The following HEY1 variants were observed in gnomAD, a reference collection of about 807,000 sequenced individuals.
HEY1 encodes the protein hes related family bHLH transcription factor with YRPW motif 1.
A neutral mutation model predicts 28.7 loss-of-function variants in HEY1; 9 were observed. That is an observed-to-expected ratio of 0.31 (90% CI 0.19 to 0.55). HEY1 has a LOEUF of 0.55. HEY1 is among the 20% of genes least tolerant of loss of function. The pLI, the probability that HEY1 is intolerant of heterozygous loss-of-function variation, is 0.93. For synonymous variants in HEY1, 213 were observed against 175.6 expected, an observed-to-expected ratio of 1.21 and a Z score of -1.68; for missense variants, 385 against 399.4, an observed-to-expected ratio of 0.96 and a Z score of 0.31.
In HEY1 at chr8:79,765,102, T is replaced by G; in HGVS notation, c.*86A>C. 1 of 881,266 alleles carries G rather than the reference T, an allele frequency of 1.1e-6. No homozygotes were observed. Among genetic ancestry groups the G allele is most frequent in the Non-Finnish European group, 1.6e-6 (1 of 614,356 alleles). The allele number at this position is 881,266 out of a possible 1,614,324, so 54.6% of individuals were successfully genotyped here. On this transcript the variant is annotated 3_prime_UTR_variant, in exon 5 of 5. Coordinates refer to ENST00000354724, the MANE Select transcript of HEY1 (RefSeq NM_012258.4). Reference sequence around the variant, plus strand: ...AAGTGTACCTTTTTCCTTTTTACTTTTACTGACGACTTTAAGGTGATGTTG... The same window carrying G: ...AAGTGTACCTTTTTCCTTTTTACTTGTACTGACGACTTTAAGGTGATGTTG...
At chr8:79,766,968 C>A (rs769531892) in intron 3 of HEY1, 41 bp downstream of exon 3, 327 of 1,508,874 alleles carry the variant, frequency 2.2e-4, no homozygotes, top group Non-Finnish European at 2.9e-4. Flanking sequence ...TCAGAAGGTG[C>A]AGATAGCTAT....
rs372497887 is a variant in HEY1, at chr8:79,765,473, G to A, written c.630C>T (p.Pro210=). The change falls in exon 5 of 5, where the codon CCC becomes CCT. Residue 210 remains proline, a synonymous_variant. Coordinates refer to ENST00000354724, the MANE Select transcript of HEY1 (RefSeq NM_012258.4). ...GCCTGCCCTGGTGGTGCGGTTCCGT[G>A]GGTGAGGCCGTGGTGCCCGCGTTCC... ...GHGNAGTTAS[P]TEPHHQGRLG... 6.2e-7 allele frequency: 1 copy of A among 1,613,302 alleles called. No homozygotes were observed. The highest frequency in any genetic ancestry group is 1.1e-5 in the South Asian group (1 of 91,044).
chr8:79,766,833 G>T (rs1370670366), intron 3 of HEY1, 101 bp from the exon 4 acceptor site: 1 of 1,381,296 alleles, frequency 7.2e-7, no homozygotes, highest in Non-Finnish European at 1.0e-6. Flanking sequence ...TTTGTAAATC[G>T]TAAAGCATGG....
chr8:79,766,988 T>C lies in HEY1; in HGVS notation c.249+21A>G, dbSNP rs1434873258. The C allele has an allele frequency of 4.4e-6, 7 of 1,598,472 alleles. No homozygotes were observed. The Admixed American group carries it at 1.2e-4, about 27-fold the overall frequency. Reference sequence around the variant, plus strand: ...AGGTGCAGATAGCTATGCTGAGAGCTTTACCTACTTGCTCCATTACCTGCT... The same window carrying C: ...AGGTGCAGATAGCTATGCTGAGAGCCTTACCTACTTGCTCCATTACCTGCT... On this transcript the variant is annotated intron_variant, in intron 3 of 4. Transcript: ENST00000354724.
chr8:79,766,565 G>A (rs1807844329), intron 4 of HEY1, 86 bp downstream of exon 4: 3 of 1,582,388 alleles, frequency 1.9e-6, no homozygotes, highest in South Asian at 1.1e-5. Context: ...AGAAAAATCA[G>A]GCAGCTACTG....
rs1039724353 is a variant in HEY1 at position 79,766,164 on chromosome 8, A to T, written c.332-393T>A. The T allele has an allele frequency of 5.4e-6, 8 of 1,471,010 alleles. No individual in the cohort carries two copies. The Admixed American group carries it at 1.8e-4, about 32-fold the overall frequency. 91.1% of individuals were successfully genotyped at this position (1,471,010 alleles called of 1,614,324 possible). ...CGGAGCTTTTAGGCACTTGGACCTC[A>T]GTAAAGCATTTTCCTGCTGGAGAGA... On this transcript the variant is annotated intron_variant, in intron 4 of 4. Coordinates refer to ENST00000354724, the MANE Select transcript of HEY1 (RefSeq NM_012258.4).
At position 79,767,297 on chromosome 8, in the gene HEY1, G is replaced by A. The variant is rs756724011; in HGVS notation, c.90-3C>T. ...AACCTAGAGCCGAACTCAAGTTTCTGAAAAGAGAAAAAGAACAAACAAAAA... is the reference window on the plus strand; with the variant it reads ...AACCTAGAGCCGAACTCAAGTTTCTAAAAAGAGAAAAAGAACAAACAAAAA... On this transcript the variant is annotated splice_polypyrimidine_tract_variant and splice_region_variant and intron_variant, in intron 1 of 4. Transcript: ENST00000354724. 2 of 1,607,788 alleles carry A rather than the reference G, an allele frequency of 1.2e-6. No homozygotes were observed. The highest frequency in any genetic ancestry group is 1.7e-6 in the Non-Finnish European group (2 of 1,177,934).
At position 79,765,769 on chromosome 8, in the gene HEY1, A is replaced by T; in HGVS notation, c.334T>A (p.Tyr112Asn). The T allele has an allele frequency of 1.3e-6, 2 of 1,597,812 alleles. No homozygotes were observed. The highest frequency in any genetic ancestry group is 1.1e-5 in the South Asian group (1 of 90,268). Residue 112 changes from tyrosine to asparagine, a missense_variant and splice_region_variant, in exon 5 of 5, where the codon TAC becomes AAC. Physicochemically the swap from Tyr to Asn is moderately radical, Grantham distance 143. This residue lies in a region of HEY1 where 83 missense variants were observed against 122.7 expected (regional missense o/e 0.68). Transcript: ENST00000354724. ...ATAGCAAGGGCGTGCGCGTCAAAGT[A>T]ACCTAAGCAAAAGAACAAAAGAAAA... ...KMLHTAGGKGYFDAHALAMDY... is the reference protein window; with the variant it reads ...KMLHTAGGKGNFDAHALAMDY...
Position 79,766,845 on chromosome 8 carries a change from C to T in HEY1, c.250-113G>A, listed in dbSNP as rs945952049. On this transcript the variant is annotated intron_variant, in intron 3 of 4. Transcript: ENST00000354724. The stretch of plus-strand genomic sequence containing the variant: ...TGCTTTGTAAATCGTAAAGCATGGA[C>T]TAAAGCAAAATCAGTTGTCTTCACA... 7.5e-6 allele frequency: 10 copies of T among 1,326,216 alleles called. No individual in the cohort carries two copies. In the African/African-American group the frequency reaches 1.0e-4, roughly 13 times the overall value. The allele number at this position is 1,326,216 out of a possible 1,614,324, so 82.2% of individuals were successfully genotyped here. A position where few individuals can be genotyped will look rare whatever the true frequency, so the allele number is the denominator to read the frequency against.
rs1046777571 is a variant in HEY1 at position 79,767,298 on chromosome 8, A to G, written c.90-4T>C. ...ACCTAGAGCCGAACTCAAGTTTCTG[A>G]AAAGAGAAAAAGAACAAACAAAAAC... On this transcript the variant is annotated splice_polypyrimidine_tract_variant and splice_region_variant and intron_variant, in intron 1 of 4. Transcript: ENST00000354724. The G allele has an allele frequency of 1.2e-6, 2 of 1,609,686 alleles. No individual in the cohort carries two copies. Among genetic ancestry groups the G allele is most frequent in the South Asian group, 1.1e-5 (1 of 90,184 alleles).
At chr8:79,766,032 G>T (rs577978950) in intron 4 of HEY1, among the ~76,000 whole-genome samples, 8 of 151,304 alleles carry the variant, frequency 5.3e-5, no homozygotes, top group African/African-American at 1.7e-4. Context: ...ATGAAACTAT[G>T]TTCATTCCTT....
At position 79,765,236 on chromosome 8, in the gene HEY1, G is replaced by T; in HGVS notation, c.867C>A (p.Asn289Lys). 1 of 1,553,468 alleles carries T rather than the reference G, an allele frequency of 6.4e-7. No individual in the cohort carries two copies. The highest frequency in any genetic ancestry group is 8.7e-7 in the Non-Finnish European group (1 of 1,147,680). ...CCCAAGGTCTATAGGGCTTGCCAAG[G>T]TTTGCAGCCTGCGTGGGTGCTGAAG... ...LSPSAPTQAA[N>K]LGKPYRPWGT... Residue 289 changes from asparagine (N) to lysine (K), a missense_variant, in exon 5 of 5, where the codon AAC becomes AAA. Transcript: ENST00000354724.
In HEY1 at chr8:79,766,986, G is replaced by A. The variant is rs113738053; in HGVS notation, c.249+23C>T. On this transcript the variant is annotated intron_variant, in intron 3 of 4. Coordinates refer to ENST00000354724, the MANE Select transcript of HEY1 (RefSeq NM_012258.4). ...GAAGGTGCAGATAGCTATGCTGAGA[G>A]CTTTACCTACTTGCTCCATTACCTG... is the stretch of plus-strand genomic sequence containing the variant. 3,738 of 1,593,806 alleles carry A rather than the reference G, an allele frequency of 2.3e-3. 95 individuals are homozygous for A. In the African/African-American group the frequency reaches 0.045, roughly 19 times the overall value.
rs756094898 is a variant in HEY1 at position 79,767,282 on chromosome 8, C to A, written c.102G>T (p.Ser34=). The change falls in exon 2 of 5, where the codon TCG becomes TCT. Residue 34 remains serine (S), a synonymous_variant. Coordinates refer to ENST00000354724, the MANE Select transcript of HEY1 (RefSeq NM_012258.4). ...TAGTTGGGGACATGGAACCTAGAGC[C>A]GAACTCAAGTTTCTGAAAAGAGAAA... ...ESADENGNLS[S]ALGSMSPTTS... The A allele has an allele frequency of 1.2e-5, 20 of 1,611,990 alleles. No homozygotes were observed. The highest frequency in any genetic ancestry group is 1.4e-5 in the Non-Finnish European group (17 of 1,179,414).
At chr8:79,767,350 T>A in intron 1 of HEY1, 56 bp from the exon 2 acceptor site, 2 of 1,497,088 alleles carry the variant, frequency 1.3e-6, no homozygotes, top group Non-Finnish European at 1.9e-6. Context: ...CGAGGAGAGG[T>A]GATCTGAGAG....
rs757276363 is a variant in HEY1, at chr8:79,767,608, A to T, written c.56T>A (p.Ile19Asn). Residue 19 changes from isoleucine to asparagine, a missense_variant, in exon 1 of 5, where the codon ATC becomes AAC. Transcript: ENST00000354724. The stretch of plus-strand genomic sequence containing the variant: ...GTCCGCACTCTCCTTCTCCACCTCG[A>T]TGGTCTCGTCCAGCTCGCTGTCCGA... ...SSSDSELDET[I>N]EVEKESADEN... 7.5e-6 allele frequency: 12 copies of T among 1,610,512 alleles called. No individual in the cohort carries two copies. Among genetic ancestry groups the T allele is most frequent in the Middle Eastern group, 1.7e-4 (1 of 6,060 alleles).
intron 4 of HEY1, 52 bp downstream of exon 4, chr8:79,766,599 T>C (rs1807845605): frequency 6.2e-7 from 1 of 1,610,280 alleles, no homozygotes; most frequent in Middle Eastern, 1.7e-4. Context: ...CTTCAGCCGC[T>C]GCTCACTCTT....
rs1807781044 is a variant in HEY1, at chr8:79,764,577, T to C, written c.*611A>G. Reference sequence around the variant, plus strand: ...GCCACCAACAGTTTGTACATTCACCTTTCTGCTATAGGAGGCAGACAATTT... The same window carrying C: ...GCCACCAACAGTTTGTACATTCACCCTTCTGCTATAGGAGGCAGACAATTT... On this transcript the variant is annotated 3_prime_UTR_variant, in exon 5 of 5. Transcript: ENST00000354724. The C allele has an allele frequency of 4.4e-6, 1 of 226,290 alleles. No individual in the cohort carries two copies. Among genetic ancestry groups the C allele is most frequent in the Admixed American group, 5.7e-5 (1 of 17,576 alleles). The allele number at this position is 226,290 out of a possible 1,614,324, so 14.0% of individuals were successfully genotyped here.
At chr8:79,766,051 T>C (rs534750473) in intron 4 of HEY1, among the ~76,000 whole-genome samples, 52 of 136,086 alleles carry the variant, frequency 3.8e-4, no homozygotes, top group Non-Finnish European at 6.7e-4. Flanking sequence ...TTTAATGTTT[T>C]CCCTCAACAA....
Sources: gnomAD v4.1 joint callset for allele counts (sites outside exome capture counted in the v4.1 genomes callset) on GRCh38, gnomAD v4.1.1 for gene constraint, gnomAD v4.1.1 regional missense constraint, MANE v1.5 for transcripts, NCBI Gene and HGNC (gene_info 2026-07-23, HGNC 2026-07-21) for gene names.